Variants in ATF6 observed in about 807,000 individuals in gnomAD.
ATF6 encodes the protein activating transcription factor 6.
A neutral mutation model predicts 83.6 loss-of-function variants in ATF6; 53 were observed. The ratio of observed to expected loss-of-function variants is 0.63; its 90% CI spans 0.51 to 0.80. ATF6 has a LOEUF of 0.80. ATF6 is among the 30% of genes least tolerant of loss of function. ATF6 has a pLI of 0.00. For synonymous variants in ATF6, 288 were observed against 285.8 expected, an observed-to-expected ratio of 1.01 and a Z score of -0.08; for missense variants, 744 against 797.9, an observed-to-expected ratio of 0.93 and a Z score of 0.81.
Position 161,960,085 on chromosome 1 carries a change from G to A in ATF6, c.*1431G>A, listed in dbSNP as rs1336767907. 8.2e-5 allele frequency: 5 copies of A among 60,884 alleles called. No individual in the cohort carries two copies. The highest frequency in any genetic ancestry group is 4.6e-4 in the Admixed American group (4 of 8,702). The allele number at this position is 60,884 out of a possible 1,614,324, so 3.8% of individuals were successfully genotyped here. ...GGAATTAAATCTTTTGTCCTCCCATGGTTAAAAAAAAAAAAAAAGCTGTGT... is the reference window on the plus strand; with the variant it reads ...GGAATTAAATCTTTTGTCCTCCCATAGTTAAAAAAAAAAAAAAAGCTGTGT... On this transcript the variant is annotated 3_prime_UTR_variant, in exon 16 of 16. Coordinates refer to ENST00000367942, the MANE Select transcript of ATF6 (RefSeq NM_007348.4).
chr1:161,938,601 T>A (rs10737518), intron 15 of ATF6, among the ~76,000 whole-genome samples: 95,924 of 152,090 alleles, frequency 0.63, 32,034 homozygotes, highest in Non-Finnish European at 0.75. Context: ...ACTGTAACAA[T>A]TATTTTTTTT....
At chr1:161,916,570 A>ATC (rs1688105743) in intron 15 of ATF6, among the ~76,000 whole-genome samples, 2 of 152,196 alleles carry the variant, frequency 1.3e-5, no homozygotes, top group Non-Finnish European at 2.9e-5. Flanking sequence ...TGTATAGCAT[A>ATC]TATTCAAATC....
chr1:161,846,539 A>G lies in ATF6; in HGVS notation c.1278A>G (p.Ala426=), dbSNP rs1158170636. The G allele has an allele frequency of 6.2e-7, 1 of 1,611,800 alleles. No homozygotes were observed. The highest frequency in any genetic ancestry group is 8.5e-7 in the Non-Finnish European group (1 of 1,178,526). The change falls in exon 10 of 16, where the codon GCA becomes GCG. Residue 426 remains alanine (A), a synonymous_variant. Transcript: ENST00000367942. The part of the protein sequence containing the change: ...RHLLGFSAKE[A]QDTSDGIIQK... ...TTCTAGGATTTTCTGCTAAAGAGGC[A>G]CAGGACACATCAGATGGTATTATCC... is the stretch of plus-strand genomic sequence containing the variant.
At chr1:161,876,476 C>T (rs779877738) in intron 14 of ATF6, among the ~76,000 whole-genome samples, 22 of 151,864 alleles carry the variant, frequency 1.4e-4, no homozygotes, top group African/African-American at 5.3e-4. Context: ...AGGATACTTC[C>T]GTGGTCTTTT....
rs541728327 is a variant in ATF6 at position 161,943,097 on chromosome 1, G to A, written c.1805-15349G>A. Among the ~76,000 whole-genome samples, 5 of 152,182 alleles carry A rather than the reference G, an allele frequency of 3.3e-5. 1 individual carries two copies. In the Middle Eastern group the frequency reaches 0.01, roughly 313 times the overall value. The stretch of plus-strand genomic sequence containing the variant: ...TCATGATTTCCTGACCTCGTGATCC[G>A]CCCACCTCGGCCTCCCAAAATGTGG... On this transcript the variant is annotated intron_variant, in intron 15 of 15. Transcript: ENST00000367942.
intron 11 of ATF6, among the ~76,000 whole-genome samples, 182 bp from the exon 12 acceptor site, chr1:161,853,042 C>T (rs1367542544): frequency 6.6e-6 from 1 of 152,120 alleles, no homozygotes; most frequent in Non-Finnish European, 1.5e-5. Context: ...AAATGCATGT[C>T]TTATTAAAAA....
At chr1:161,773,162 G>A (rs1038801413) in intron 1 of ATF6, among the ~76,000 whole-genome samples, 5 of 119,848 alleles carry the variant, frequency 4.2e-5, no homozygotes, top group African/African-American at 1.3e-4. Flanking sequence ...TTGAGACGGA[G>A]TCTCTCTCTG....
chr1:161,962,461 C>T lies in ATF6; in HGVS notation c.*3807C>T, dbSNP rs554736931. 3 of 152,296 alleles carry T rather than the reference C, an allele frequency of 2.0e-5. No individual in the cohort carries two copies. Among genetic ancestry groups the T allele is most frequent in the Non-Finnish European group, 2.9e-5 (2 of 68,020 alleles). 9.4% of individuals were successfully genotyped at this position (152,296 alleles called of 1,614,324 possible). On this transcript the variant is annotated 3_prime_UTR_variant, in exon 16 of 16. Coordinates refer to ENST00000367942, the MANE Select transcript of ATF6 (RefSeq NM_007348.4). ...AACTCTCAAGCTCTTTGCCACTTTC[C>T]TACTATTTTTTGATTCTTGCCATTT...
At position 161,819,838 on chromosome 1, in the gene ATF6, C is replaced by T; in HGVS notation, c.1095+20C>T. On this transcript the variant is annotated intron_variant, in intron 8 of 15. Coordinates refer to ENST00000367942, the MANE Select transcript of ATF6 (RefSeq NM_007348.4). ...TCAGAGGTAAGTGTTAGTAATACGG[C>T]TGAGTCGAGATGGGCTAAAGTATCC... 6.3e-7 allele frequency: 1 copy of T among 1,583,970 alleles called. No homozygotes were observed. The highest frequency in any genetic ancestry group is 8.6e-7 in the Non-Finnish European group (1 of 1,167,844).
intron 15 of ATF6, among the ~76,000 whole-genome samples, chr1:161,951,884 G>C (rs1688871011): frequency 6.6e-6 from 1 of 152,146 alleles, no homozygotes; most frequent in South Asian, 2.1e-4. Flanking sequence ...TGTGGTGTCT[G>C]TTTTCCTTTA....
intron 14 of ATF6, among the ~76,000 whole-genome samples, chr1:161,868,777 A>G (rs543511272): frequency 1.3e-5 from 2 of 150,084 alleles, no homozygotes; most frequent in East Asian, 3.9e-4. Flanking sequence ...TGTTTTGTCC[A>G]TTTATGATTT....
chr1:161,840,134 G>A (rs1189930223), intron 9 of ATF6: 1 of 152,172 alleles, frequency 6.6e-6, no homozygotes, highest in African/African-American at 2.4e-5. Context: ...TGTTCCATCT[G>A]TTGTCTCATT....
intron 15 of ATF6, among the ~76,000 whole-genome samples, chr1:161,934,710 T>G (rs539695650): frequency 6.6e-6 from 1 of 152,328 alleles, no homozygotes; most frequent in African/African-American, 2.4e-5. Flanking sequence ...ACAGATATGT[T>G]TTCATGGCAC....
Position 161,882,350 on chromosome 1 carries a change from A to G in ATF6, c.1719+19038A>G, listed in dbSNP as rs553294044. On this transcript the variant is annotated intron_variant, in intron 14 of 15. Coordinates refer to ENST00000367942, the MANE Select transcript of ATF6 (RefSeq NM_007348.4). ...AGACAAACACATAATATGTGCCTGT[A>G]TGGGTCACAGTGCTAGGAAATACAC... Among the ~76,000 whole-genome samples, 80 of 152,252 alleles carry G rather than the reference A, an allele frequency of 5.3e-4. 2 individuals carry two copies. The highest frequency in any genetic ancestry group is 1.9e-3 in the African/African-American group (79 of 41,570).
intron 14 of ATF6, among the ~76,000 whole-genome samples, chr1:161,876,439 T>C (rs1015681440): frequency 1.3e-5 from 2 of 152,030 alleles, no homozygotes; most frequent in African/African-American, 4.8e-5. Flanking sequence ...TTTTCAGTCA[T>C]TGCATTATAT....
At chr1:161,939,010 G>A (rs1688591301) in intron 15 of ATF6, among the ~76,000 whole-genome samples, 1 of 152,086 alleles carries the variant, frequency 6.6e-6, no homozygotes, top group Non-Finnish European at 1.5e-5. Context: ...CTCTCCTGCT[G>A]TTCTCTCTAT....
chr1:161,863,562 T>A (rs1686929920), intron 14 of ATF6, among the ~76,000 whole-genome samples: 1 of 152,176 alleles, frequency 6.6e-6, no homozygotes, highest in Non-Finnish European at 1.5e-5. Flanking sequence ...ACTTGTTGAT[T>A]TTTATTGTTT....
rs924803205 is a variant in ATF6 at position 161,792,213 on chromosome 1, A to T, written c.574A>T (p.Thr192Ser). 1 of 1,614,112 alleles carries T rather than the reference A, an allele frequency of 6.2e-7. No homozygotes were observed. The highest frequency in any genetic ancestry group is 8.5e-7 in the Non-Finnish European group (1 of 1,179,978). Residue 192 changes from threonine (T) to serine (S), a missense_variant, in exon 6 of 16, where the codon ACT (threonine) becomes TCT (serine). Physicochemically the swap from Thr to Ser is moderately conservative, Grantham distance 58. Transcript: ENST00000367942. ...KPLLLPAAPK[T>S]QTNSSVPAKT... ...TTTATTGCTTCCAGCAGCACCCAAG[A>T]CTCAAACAAACTCCAGTGTTCCAGC...
At chr1:161,895,704 C>T (rs1482167801) in intron 14 of ATF6, among the ~76,000 whole-genome samples, 2 of 152,160 alleles carry the variant, frequency 1.3e-5, no homozygotes, top group Non-Finnish European at 2.9e-5. Flanking sequence ...GTTGGGGCTT[C>T]ATAATAGCTT....
Sources: allele counts gnomAD v4.1 joint callset (sites outside exome capture counted in the v4.1 genomes callset), GRCh38; gene constraint gnomAD v4.1.1; transcripts MANE v1.5; gene names NCBI Gene and HGNC (gene_info 2026-07-23, HGNC 2026-07-21).